Variants in MSRA observed in about 807,000 individuals in gnomAD.
MSRA encodes mitochondrial peptide methionine sulfoxide reductase.
Under a neutral mutation model 31.3 loss-of-function variants are expected in MSRA, and 54 were observed. The observed-to-expected ratio is 1.73, with a 90% CI of 1.39 to 2.17. MSRA has a LOEUF of 2.17. Ranked by LOEUF, MSRA falls within the 30% of genes most tolerant of loss-of-function variation. The pLI, the probability that MSRA is intolerant of heterozygous loss-of-function variation, is 0.00. For synonymous variants in MSRA, 169 were observed against 116.5 expected, an observed-to-expected ratio of 1.45 and a Z score of -2.90; for missense variants, 507 against 300.9, an observed-to-expected ratio of 1.69 and a Z score of -5.07.
At chr8:10,281,069 T>C (rs1799597468) in intron 3 of MSRA, among the ~76,000 whole-genome samples, 1 of 152,206 alleles carries the variant, frequency 6.6e-6, no homozygotes, top group Non-Finnish European at 1.5e-5. Flanking sequence ...AAAAATGTTT[T>C]AAAATTGATT....
Position 10,215,815 on chromosome 8 carries a change from G to A in MSRA, c.211+7914G>A, listed in dbSNP as rs190925469. 1.1e-3 allele frequency among the ~76,000 whole-genome samples: 167 copies of A among 152,268 alleles called. 1 individual carries two copies. Among genetic ancestry groups the A allele is most frequent in the African/African-American group, 3.6e-3 (151 of 41,538 alleles). On this transcript the variant is annotated intron_variant, in intron 2 of 5. Transcript: ENST00000317173. ...TAATTTTTTCACTTTTTGCAGTAGT[G>A]TACAGCAACCACCCACTTGACTGAC...
intron 5 of MSRA, among the ~76,000 whole-genome samples, chr8:10,320,835 A>C (rs889234679): frequency 6.6e-5 from 10 of 152,088 alleles, no homozygotes; most frequent in African/African-American, 2.2e-4. Context: ...ACATCAGCCT[A>C]GTTTTATGTG....
intron 5 of MSRA, among the ~76,000 whole-genome samples, chr8:10,422,935 G>A (rs1379634336): frequency 6.6e-6 from 1 of 152,246 alleles, no homozygotes; most frequent in Non-Finnish European, 1.5e-5. Flanking sequence ...CCTGGAGGAT[G>A]AGCACAGTCC....
chr8:10,245,322 T>G (rs969036414), intron 3 of MSRA, 99 bp downstream of exon 3: 1 of 1,148,016 alleles, frequency 8.7e-7, no homozygotes, highest in African/African-American at 1.6e-5. Flanking sequence ...TATGTTTTTT[T>G]AAAAATGTTT....
chr8:10,293,428 C>T (rs746475333), intron 3 of MSRA, among the ~76,000 whole-genome samples: 27 of 152,226 alleles, frequency 1.8e-4, no homozygotes, highest in Non-Finnish European at 2.8e-4. Flanking sequence ...TCTGACGTCC[C>T]GGTATGCGTG....
chr8:10,401,604 C>A (rs746493149), intron 5 of MSRA, among the ~76,000 whole-genome samples: 1 of 152,116 alleles, frequency 6.6e-6, no homozygotes, highest in Non-Finnish European at 1.5e-5. Flanking sequence ...CAAACCTGTA[C>A]ACCTGTGTTC....
rs558618811 is a variant in MSRA, at chr8:10,181,977, A to C, written c.143-25856A>C. Among the ~76,000 whole-genome samples the C allele has an allele frequency of 4.6e-5, 7 of 152,232 alleles. No homozygotes were observed. In the South Asian group the frequency reaches 1.5e-3, roughly 32 times the overall value. On this transcript the variant is annotated intron_variant, in intron 1 of 5. Coordinates refer to ENST00000317173, the MANE Select transcript of MSRA (RefSeq NM_012331.5). ...AGTAAGAAATTTTTTTTTCTCTTCA[A>C]AATACAGACATATGGGTGAAATACA...
At chr8:10,055,799 A>C (rs1802327245) in intron 1 of MSRA, among the ~76,000 whole-genome samples, 1 of 152,242 alleles carries the variant, frequency 6.6e-6, no homozygotes, top group Non-Finnish European at 1.5e-5. Flanking sequence ...TAGAATAATC[A>C]GTATGAGATT....
chr8:10,209,930 T>C (rs1809325580), intron 2 of MSRA, among the ~76,000 whole-genome samples: 1 of 152,226 alleles, frequency 6.6e-6, no homozygotes, highest in Non-Finnish European at 1.5e-5. Context: ...AATTCTTACT[T>C]TAGAAGTGCA....
intron 5 of MSRA, among the ~76,000 whole-genome samples, chr8:10,375,271 G>A (rs1805697127): frequency 6.6e-6 from 1 of 152,150 alleles, no homozygotes; most frequent in African/African-American, 2.4e-5. Flanking sequence ...GCGTCTGCTG[G>A]GTAGCAGTCT....
At chr8:10,202,584 G>A (rs1258906152) in intron 1 of MSRA, among the ~76,000 whole-genome samples, 1 of 152,160 alleles carries the variant, frequency 6.6e-6, no homozygotes, top group Non-Finnish European at 1.5e-5. Context: ...AAGATTCTGT[G>A]GGCACATTCA....
At chr8:10,148,200 G>A (rs1803325136) in intron 1 of MSRA, among the ~76,000 whole-genome samples, 1 of 152,160 alleles carries the variant, frequency 6.6e-6, no homozygotes, top group African/African-American at 2.4e-5. Flanking sequence ...GGATGGGTGG[G>A]ATGAACCTTC....
chr8:10,291,333 A>G (rs1470802755), intron 3 of MSRA, among the ~76,000 whole-genome samples: 1 of 151,676 alleles, frequency 6.6e-6, no homozygotes, highest in Non-Finnish European at 1.5e-5. Context: ...CTCCACCAGT[A>G]TTTTTTTTCT....
chr8:10,394,414 A>G (rs1429594618), intron 5 of MSRA, among the ~76,000 whole-genome samples: 1 of 152,252 alleles, frequency 6.6e-6, no homozygotes, highest in African/African-American at 2.4e-5. Flanking sequence ...AAGGGAATTA[A>G]TGTTGTATCA....
chr8:10,263,903 A>G (rs1798609568), intron 3 of MSRA, among the ~76,000 whole-genome samples: 1 of 152,200 alleles, frequency 6.6e-6, no homozygotes, highest in Admixed American at 6.5e-5. Context: ...TGGTCATTTT[A>G]AAAGCTTTGT....
intron 5 of MSRA, among the ~76,000 whole-genome samples, chr8:10,388,636 C>A (rs1233839182): frequency 6.6e-6 from 1 of 152,164 alleles, no homozygotes; most frequent in African/African-American, 2.4e-5. Context: ...ATCCTGGCTT[C>A]TTCCCATTAC....
chr8:10,256,407 A>G (rs573408099), intron 3 of MSRA, among the ~76,000 whole-genome samples: 65 of 152,286 alleles, frequency 4.3e-4, no homozygotes, highest in Non-Finnish European at 6.9e-4. Flanking sequence ...AGTTTTGACA[A>G]TTACGGATGA....
At chr8:10,265,426 C>G (rs1017241318) in intron 3 of MSRA, among the ~76,000 whole-genome samples, 1 of 152,114 alleles carries the variant, frequency 6.6e-6, no homozygotes, top group African/African-American at 2.4e-5. Context: ...TGACCTATGC[C>G]TCTCATTAGA....
chr8:10,094,478 T>C (rs893258324), intron 1 of MSRA, among the ~76,000 whole-genome samples: 1 of 152,220 alleles, frequency 6.6e-6, no homozygotes, highest in Non-Finnish European at 1.5e-5. Context: ...ATAAACGTAG[T>C]AGTTTGGAAG....
Sources: allele counts gnomAD v4.1 joint callset (sites outside exome capture counted in the v4.1 genomes callset), GRCh38; gene constraint gnomAD v4.1.1; transcripts MANE v1.5; gene names NCBI Gene and HGNC (gene_info 2026-07-23, HGNC 2026-07-21).